Variants in IFT43 observed in about 807,000 individuals in gnomAD.
The protein encoded by IFT43 is intraflagellar transport protein 43 homolog.
IFT43 carries 33 observed loss-of-function variants against 32.3 expected under a neutral mutation model. The observed-to-expected ratio is 1.02, with a 90% CI of 0.77 to 1.37. IFT43 has a LOEUF of 1.37. IFT43 is among the 40% of genes most tolerant of loss of function. IFT43 has a pLI of 0.00. For missense variants in IFT43, 274 were observed against 265.9 expected (o/e 1.03, Z -0.21); for synonymous variants, 93 against 98.2 (o/e 0.95, Z 0.31).
intron 2 of IFT43, 66 bp downstream of exon 2, chr14:75,989,043 C>T: frequency 6.4e-7 from 1 of 1,574,612 alleles, no homozygotes; most frequent in Non-Finnish European, 8.7e-7. Flanking sequence ...CCTTAATGAC[C>T]AAGGATTTGG....
At chr14:76,021,049 C>T (rs2036280908) in intron 2 of IFT43, among the ~76,000 whole-genome samples, 1 of 152,100 alleles carries the variant, frequency 6.6e-6, no homozygotes, top group Admixed American at 6.5e-5. Context: ...GCAGAACGGT[C>T]CTTTAGACCC....
Position 76,036,491 on chromosome 14 carries a change from G to A in IFT43, c.215+14097G>A, listed in dbSNP as rs1446131860. Among the ~76,000 whole-genome samples the A allele has an allele frequency of 1.4e-4, 19 of 133,240 alleles. 1 individual carries two copies. The highest frequency in any genetic ancestry group is 4.0e-4 in the African/African-American group (14 of 35,060). 87.4% of individuals were successfully genotyped at this position (133,240 alleles called of 152,430 possible). ...TGTGATCTCGGCTCACTGAGTCTCC[G>A]CCACCCAGGTTCAAGCAATTCTCCC... On this transcript the variant is annotated intron_variant, in intron 3 of 8. Coordinates refer to ENST00000314067, the MANE Select transcript of IFT43 (RefSeq NM_001102564.3).
At chr14:76,048,635 A>G (rs541229248) in intron 3 of IFT43, among the ~76,000 whole-genome samples, 78 of 152,302 alleles carry the variant, frequency 5.1e-4, no homozygotes, top group Middle Eastern at 3.4e-3. Flanking sequence ...GGCCCCTCAC[A>G]TCATCCGAGT....
chr14:76,010,226 A>G (rs1262587133), intron 2 of IFT43, among the ~76,000 whole-genome samples: 3 of 152,210 alleles, frequency 2.0e-5, no homozygotes, highest in Non-Finnish European at 4.4e-5. Context: ...ACCTGTAGTC[A>G]TGACAGGGAT....
chr14:75,995,280 C>G (rs1489345317), intron 2 of IFT43, among the ~76,000 whole-genome samples: 1 of 152,156 alleles, frequency 6.6e-6, no homozygotes, highest in Non-Finnish European at 1.5e-5. Context: ...AAGCACAGAC[C>G]TCCCAGTAGA....
chr14:76,058,895 T>A, intron 4 of IFT43: 1 of 1,473,220 alleles, frequency 6.8e-7, no homozygotes, highest in South Asian at 1.4e-5. Flanking sequence ...TCCCACTGTG[T>A]GGTTTTAGAA....
At chr14:76,043,339 A>G (rs1377682264) in intron 3 of IFT43, among the ~76,000 whole-genome samples, 2 of 151,516 alleles carry the variant, frequency 1.3e-5, no homozygotes, top group South Asian at 4.2e-4. Context: ...AGAGGGGAGT[A>G]GAAGGGTAGG....
At chr14:76,032,237 G>T (rs925869574) in intron 3 of IFT43, among the ~76,000 whole-genome samples, 4 of 152,122 alleles carry the variant, frequency 2.6e-5, no homozygotes, top group African/African-American at 9.7e-5. Flanking sequence ...TACATCTGTT[G>T]TCTGAACTGC....
chr14:75,995,565 C>T lies in IFT43; in HGVS notation c.147+6588C>T, dbSNP rs886527134. ...ATTTCCTCATCCCCCAGCAGCCTCA[C>T]TCGGCCGGAGCTCCCTTGGCACTTT... On this transcript the variant is annotated intron_variant, in intron 2 of 8. Coordinates refer to ENST00000314067, the MANE Select transcript of IFT43 (RefSeq NM_001102564.3). 4.6e-5 allele frequency among the ~76,000 whole-genome samples: 7 copies of T among 152,212 alleles called. 1 individual carries two copies. The South Asian group carries it at 1.4e-3, about 32-fold the overall frequency.
chr14:76,033,159 C>A (rs11159163), intron 3 of IFT43, among the ~76,000 whole-genome samples: 51,977 of 152,006 alleles, frequency 0.34, 9,179 homozygotes, highest in African/African-American at 0.43. Flanking sequence ...ATTGGAGCCC[C>A]AGCCAGATTG....
intron 2 of IFT43, among the ~76,000 whole-genome samples, chr14:76,009,029 C>T (rs2036030066): frequency 6.6e-6 from 1 of 152,184 alleles, no homozygotes; most frequent in Non-Finnish European, 1.5e-5. Flanking sequence ...AAGAGATGGT[C>T]CTTTCAGTTT....
At chr14:76,059,217 C>T (rs1326561997) in intron 4 of IFT43, 110 bp from the exon 5 acceptor site, 92 of 1,606,372 alleles carry the variant, frequency 5.7e-5, no homozygotes, top group Admixed American at 1.0e-4. Context: ...AAAACAGGTT[C>T]AGGGACATTT....
At chr14:76,036,313 T>C (rs193143260) in intron 3 of IFT43, among the ~76,000 whole-genome samples, 25 of 147,978 alleles carry the variant, frequency 1.7e-4, no homozygotes, top group African/African-American at 5.5e-4. Context: ...ATTTAGCCAT[T>C]TCCTTCCTTC....
intron 2 of IFT43, among the ~76,000 whole-genome samples, chr14:76,012,859 C>T (rs1294009041): frequency 6.6e-6 from 1 of 152,206 alleles, no homozygotes; most frequent in East Asian, 1.9e-4. Context: ...TGGGGCTGTG[C>T]CTCTGAATTT....
chr14:76,026,498 CA>C (rs1356373720), intron 3 of IFT43, among the ~76,000 whole-genome samples: 9 of 140,412 alleles, frequency 6.4e-5, no homozygotes, highest in African/African-American at 2.4e-4. Context: ...GCAGAGGTTG[CA>C]GTGAGCTGAG....
At chr14:76,045,058 G>T (rs188359954) in intron 3 of IFT43, among the ~76,000 whole-genome samples, 52 of 152,304 alleles carry the variant, frequency 3.4e-4, no homozygotes, top group African/African-American at 1.2e-3. Flanking sequence ...TGTATGGGGG[G>T]TCTGTGCCCC....
rs772551657 is a variant in IFT43 at position 76,083,622 on chromosome 14, A to C, written c.*45A>C. ...GACATGAAGAAATGCAATGAGCTTA[A>C]AGCTAAAGAAGCTTGTAAGCAGCTC... On this transcript the variant is annotated 3_prime_UTR_variant, in exon 9 of 9. Coordinates refer to ENST00000314067, the MANE Select transcript of IFT43 (RefSeq NM_001102564.3). The C allele has an allele frequency of 1.9e-6, 3 of 1,595,072 alleles. No homozygotes were observed. The highest frequency in any genetic ancestry group is 2.6e-6 in the Non-Finnish European group (3 of 1,165,656).
chr14:76,060,881 T>TCGCCC (rs2037121317), intron 5 of IFT43, among the ~76,000 whole-genome samples: 1 of 141,882 alleles, frequency 7.0e-6, no homozygotes, highest in African/African-American at 2.6e-5. Context: ...CTTTTCCTGC[T>TCGCCC]CTCCCCTCCC....
At chr14:76,020,191 T>C (rs535483274) in intron 2 of IFT43, among the ~76,000 whole-genome samples, 91 of 152,186 alleles carry the variant, frequency 6.0e-4, no homozygotes, top group Admixed American at 1.3e-3. Flanking sequence ...GCCAGGATGG[T>C]CTCTATCTCC....
Sources: gnomAD v4.1 joint callset for allele counts (sites outside exome capture counted in the v4.1 genomes callset) on GRCh38, gnomAD v4.1.1 for gene constraint, MANE v1.5 for transcripts, NCBI Gene and HGNC (gene_info 2026-07-23, HGNC 2026-07-21) for gene names.